The following AGPAT3 variants were observed in gnomAD, a reference collection of about 807,000 sequenced individuals.
AGPAT3 encodes 1-acylglycerol-3-phosphate O-acyltransferase 3.
A neutral mutation model predicts 47.3 loss-of-function variants in AGPAT3; 5 were observed. That is an observed-to-expected ratio of 0.11 (90% CI 0.06 to 0.22). AGPAT3 has a LOEUF of 0.22. AGPAT3 is among the 10% of genes least tolerant of loss of function. AGPAT3 has a pLI of 1.00. For synonymous variants in AGPAT3, 212 were observed against 208.3 expected, an observed-to-expected ratio of 1.02 and a Z score of -0.15; for missense variants, 315 against 493.0, an observed-to-expected ratio of 0.64 and a Z score of 3.42.
rs572679322 is a variant in AGPAT3, at chr21:43,987,139, G to A, written c.*4747G>A. ...AAATATCCACAATATAAGAGAAAGC[G>A]ACTCCGTGCCTCCTTCTGTTTCTTC... On this transcript the variant is annotated 3_prime_UTR_variant, in exon 10 of 10. Transcript: ENST00000291572. 1.3e-5 allele frequency among the ~76,000 whole-genome samples: 2 copies of A among 152,348 alleles called. No individual in the cohort carries two copies. Among genetic ancestry groups the A allele is most frequent in the South Asian group, 2.1e-4 (1 of 4,834 alleles).
chr21:43,928,703 G>A (rs1439393680), intron 2 of AGPAT3, among the ~76,000 whole-genome samples: 1 of 152,220 alleles, frequency 6.6e-6, no homozygotes, highest in East Asian at 1.9e-4. Flanking sequence ...CCATGTAGGA[G>A]TTTTCCTTCT....
chr21:43,866,465 C>A (rs182691643), intron 1 of AGPAT3, among the ~76,000 whole-genome samples: 3 of 152,148 alleles, frequency 2.0e-5, no homozygotes, highest in Non-Finnish European at 4.4e-5. Flanking sequence ...GCGGCTGCTC[C>A]GACTCGACTC....
intron 2 of AGPAT3, among the ~76,000 whole-genome samples, chr21:43,925,794 G>A (rs1014161135): frequency 4.6e-5 from 7 of 152,240 alleles, no homozygotes; most frequent in Non-Finnish European, 8.8e-5. Context: ...TTCCCACACA[G>A]AGCTCTGTCA....
chr21:43,928,546 A>G (rs1002176915), intron 2 of AGPAT3, among the ~76,000 whole-genome samples: 7 of 152,260 alleles, frequency 4.6e-5, no homozygotes, highest in African/African-American at 1.7e-4. Flanking sequence ...GCAGTGATCC[A>G]TGCAGTTCAC....
chr21:43,962,802 T>C lies in AGPAT3; in HGVS notation c.178+2943T>C, dbSNP rs1014427800. On this transcript the variant is annotated intron_variant, in intron 3 of 9. Coordinates refer to ENST00000291572, the MANE Select transcript of AGPAT3 (RefSeq NM_020132.5). ...AAGTACACTCTGGAGAAAGTCTCATTCAGGCCTGAAGAATCCCACAGATTA... is the reference window on the plus strand; with the variant it reads ...AAGTACACTCTGGAGAAAGTCTCATCCAGGCCTGAAGAATCCCACAGATTA... 3.9e-5 allele frequency among the ~76,000 whole-genome samples: 6 copies of C among 152,160 alleles called. No homozygotes were observed. In the East Asian group the frequency reaches 1.2e-3, roughly 29 times the overall value.
At chr21:43,957,509 G>C (rs1486961291) in intron 2 of AGPAT3, among the ~76,000 whole-genome samples, 1 of 150,756 alleles carries the variant, frequency 6.6e-6, no homozygotes, top group Non-Finnish European at 1.5e-5. Context: ...CTCCACACGG[G>C]GGGTCTCGGG....
At chr21:43,871,105 T>C (rs2085615244) in intron 1 of AGPAT3, among the ~76,000 whole-genome samples, 1 of 152,260 alleles carries the variant, frequency 6.6e-6, no homozygotes, top group Admixed American at 6.5e-5. Context: ...TGAATTCAAC[T>C]GGGGCTACTG....
chr21:43,870,716 C>T (rs2085606907), intron 1 of AGPAT3, among the ~76,000 whole-genome samples: 1 of 152,152 alleles, frequency 6.6e-6, no homozygotes, highest in South Asian at 2.1e-4. Context: ...AGCCAGACTC[C>T]ATCTCAATAA....
rs1053673813 is a variant in AGPAT3 at position 43,968,104 on chromosome 21, G to A, written c.337G>A (p.Gly113Arg). The change falls in exon 4 of 10, where the codon GGA (glycine) becomes AGA (arginine). Residue 113 changes from glycine (G) to arginine (R), a missense_variant. By Grantham distance (125) the Gly-to-Arg change is moderately radical. Coordinates refer to ENST00000291572, the MANE Select transcript of AGPAT3 (RefSeq NM_020132.5). ...TGGGTGGACCATGTGTGAGCGCTTC[G>A]GAGTGCTGGGGGTGAGCGGGGACCT... Reference protein sequence around the residue: ...LCGWTMCERFGVLGSSKVLAK... With the variant: ...LCGWTMCERFRVLGSSKVLAK... 1.4e-5 allele frequency: 22 copies of A among 1,613,526 alleles called. No individual in the cohort carries two copies. The highest frequency in any genetic ancestry group is 1.7e-5 in the Non-Finnish European group (20 of 1,179,950).
chr21:43,981,273 G>T lies in AGPAT3; in HGVS notation c.1042+86G>T. On this transcript the variant is annotated intron_variant, in intron 9 of 9. Transcript: ENST00000291572. This position sits in a 1 kb window ranked among gnomAD's most constrained non-coding sequence, Gnocchi z 5.3. ...GTCCGGGACCTGGTGACTCATCACAGTGGCTGTGGGAGGCAGGGGCCTGGC... is the reference window on the plus strand; with the variant it reads ...GTCCGGGACCTGGTGACTCATCACATTGGCTGTGGGAGGCAGGGGCCTGGC... The T allele has an allele frequency of 6.9e-7, 1 of 1,439,308 alleles. No homozygotes were observed. Among genetic ancestry groups the T allele is most frequent in the Non-Finnish European group, 9.7e-7 (1 of 1,030,140 alleles). 89.2% of individuals were successfully genotyped at this position (1,439,308 alleles called of 1,614,324 possible).
intron 3 of AGPAT3, among the ~76,000 whole-genome samples, chr21:43,962,717 C>T (rs187617337): frequency 2.6e-5 from 4 of 152,268 alleles, no homozygotes; most frequent in East Asian, 3.9e-4. Flanking sequence ...GACTCTTGAG[C>T]GAGGGCGCGA....
chr21:43,982,464 G>T lies in AGPAT3; in HGVS notation c.*72G>T. On this transcript the variant is annotated 3_prime_UTR_variant, in exon 10 of 10. Transcript: ENST00000291572. This position sits in a 1 kb window ranked among gnomAD's most constrained non-coding sequence, Gnocchi z 6.2. The stretch of plus-strand genomic sequence containing the variant: ...TTAACTCAAAACCAACACACAGAGT[G>T]CAGGAAAAGACAATTAGAAACTATT... 9.1e-7 allele frequency: 1 copy of T among 1,103,274 alleles called. No homozygotes were observed. Among genetic ancestry groups the T allele is most frequent in the South Asian group, 1.3e-5 (1 of 75,148 alleles). The allele number at this position is 1,103,274 out of a possible 1,614,324, so 68.3% of individuals were successfully genotyped here. A position where few individuals can be genotyped will look rare whatever the true frequency, so the allele number is the denominator to read the frequency against.
rs555732079 is a variant in AGPAT3 at position 43,955,962 on chromosome 21, G to C, written c.-48-3672G>C. Reference sequence around the variant, plus strand: ...CCGTAGCAACGGAATCAGCAGGTCTGCTGTGGAGCCCGGGCATCTGCTTCT... The same window carrying C: ...CCGTAGCAACGGAATCAGCAGGTCTCCTGTGGAGCCCGGGCATCTGCTTCT... On this transcript the variant is annotated intron_variant, in intron 2 of 9. Transcript: ENST00000291572. This position sits in a 1 kb window ranked among gnomAD's most constrained non-coding sequence, Gnocchi z 4.1. Among the ~76,000 whole-genome samples, 28 of 152,024 alleles carry C rather than the reference G, an allele frequency of 1.8e-4. 2 individuals are homozygous for C. The East Asian group carries it at 4.9e-3, about 26-fold the overall frequency.
intron 7 of AGPAT3, among the ~76,000 whole-genome samples, chr21:43,975,459 A>C (rs2089580362): frequency 6.6e-6 from 1 of 152,136 alleles, no homozygotes; most frequent in South Asian, 2.1e-4. Context: ...AACGAGACTC[A>C]GCTTTCACTT....
intron 7 of AGPAT3, among the ~76,000 whole-genome samples, chr21:43,977,222 C>A (rs995762331): frequency 1.3e-5 from 2 of 152,250 alleles, no homozygotes; most frequent in Non-Finnish European, 2.9e-5. Context: ...AGACAGAAAT[C>A]AGCTATTTCA....
chr21:43,938,248 T>C (rs1038604114), intron 2 of AGPAT3, among the ~76,000 whole-genome samples: 1 of 151,596 alleles, frequency 6.6e-6, no homozygotes, highest in Non-Finnish European at 1.5e-5. Flanking sequence ...ACATCGCTCA[T>C]TGGGATAGAA....
At chr21:43,972,650 C>A (rs551977556) in intron 7 of AGPAT3, among the ~76,000 whole-genome samples, 1 of 152,182 alleles carries the variant, frequency 6.6e-6, no homozygotes, top group Non-Finnish European at 1.5e-5. Flanking sequence ...GCCACCAATC[C>A]GTTGCTGCCC....
rs115186644 is a variant in AGPAT3, at chr21:43,919,493, G to A, written c.-49+15474G>A. 5.4e-3 allele frequency among the ~76,000 whole-genome samples: 823 copies of A among 152,294 alleles called. 14 individuals are homozygous for A. Among genetic ancestry groups the A allele is most frequent in the African/African-American group, 0.019 (790 of 41,544 alleles). ...TTATTTTGTCCCTTTTGATGGCTGA[G>A]TAGTATTCCGTGGTGTATATGGACC... On this transcript the variant is annotated intron_variant, in intron 2 of 9. Transcript: ENST00000291572.
chr21:43,963,140 T>G (rs2088958157), intron 3 of AGPAT3, among the ~76,000 whole-genome samples: 1 of 152,152 alleles, frequency 6.6e-6, no homozygotes, highest in South Asian at 2.1e-4. Context: ...CAGACATCAA[T>G]GTGAAGAAAT....
Sources: gnomAD v4.1 joint callset for allele counts (sites outside exome capture counted in the v4.1 genomes callset) on GRCh38, gnomAD v4.1.1 for gene constraint, Gnocchi (gnomAD v3.1) non-coding constraint, MANE v1.5 for transcripts, NCBI Gene and HGNC (gene_info 2026-07-23, HGNC 2026-07-21) for gene names.